Variants in FARP1 observed in about 807,000 individuals in gnomAD.
FARP1 encodes FERM, ARH/RhoGEF and pleckstrin domain protein 1, also known as FERM, ARHGEF and pleckstrin domain-containing protein 1.
In FARP1, 52 loss-of-function variants were observed where a neutral mutation model predicts 128.8. The observed-to-expected ratio is 0.40, with a 90% confidence interval of 0.32 to 0.51. The LOEUF (loss-of-function observed/expected upper bound fraction) is 0.51. Ranked by LOEUF, FARP1 falls within the 20% of genes least tolerant of loss-of-function variation. The pLI, the probability that FARP1 is intolerant of heterozygous loss-of-function variation, is 0.45. For synonymous variants in FARP1, 580 were observed against 551.8 expected (o/e 1.05, Z -0.72); for missense variants, 1,333 against 1,367.9 (o/e 0.97, Z 0.40).
intron 2 of FARP1, among the ~76,000 whole-genome samples, chr13:98,272,036 CTTTTTCTTTTT>C (rs1015460721): frequency 2.0e-5 from 3 of 149,848 alleles, no homozygotes; most frequent in Non-Finnish European, 4.4e-5. Context: ...ATTTTTTTTT[CTTTTTCTTTTT>C]GAGGTGTAGT....
chr13:98,270,270 C>T (rs568191366), intron 2 of FARP1, among the ~76,000 whole-genome samples: 71 of 152,208 alleles, frequency 4.7e-4, no homozygotes, highest in Non-Finnish European at 8.5e-4. Flanking sequence ...AAGGTCCATC[C>T]TTGGTCTCTA....
intron 2 of FARP1, among the ~76,000 whole-genome samples, chr13:98,229,119 A>G (rs574318059): frequency 2.1e-4 from 32 of 152,240 alleles, no homozygotes; most frequent in Admixed American, 1.2e-3. Flanking sequence ...CCAAGCAGAG[A>G]GCTGCCAAGA....
At chr13:98,414,187 C>G (rs1438961160) in intron 16 of FARP1, among the ~76,000 whole-genome samples, 1 of 152,168 alleles carries the variant, frequency 6.6e-6, no homozygotes, top group African/African-American at 2.4e-5. Flanking sequence ...ATTTGATTCC[C>G]AGAGGGTTTT....
intron 2 of FARP1, among the ~76,000 whole-genome samples, chr13:98,300,640 T>C (rs1885885863): frequency 6.6e-6 from 1 of 152,228 alleles, no homozygotes; most frequent in South Asian, 2.1e-4. Context: ...AAGCCACTTC[T>C]CTGCTCCGCC....
At chr13:98,425,013 C>G (rs1467175018) in intron 17 of FARP1, among the ~76,000 whole-genome samples, 1 of 151,964 alleles carries the variant, frequency 6.6e-6, no homozygotes, top group African/African-American at 2.4e-5. Context: ...ACACCCCGGT[C>G]TAATCTAAGG....
At chr13:98,409,837 A>C (rs1891123023) in intron 14 of FARP1, among the ~76,000 whole-genome samples, 1 of 152,192 alleles carries the variant, frequency 6.6e-6, no homozygotes, top group Admixed American at 6.5e-5. Flanking sequence ...TACCTCATAT[A>C]AGCAGAATCA....
At chr13:98,352,497 G>A (rs1036968195) in intron 3 of FARP1, among the ~76,000 whole-genome samples, 8 of 152,270 alleles carry the variant, frequency 5.3e-5, no homozygotes, top group African/African-American at 1.7e-4. Flanking sequence ...GAGGGCAATC[G>A]AGCCAGGGAA....
At chr13:98,143,643 C>T (rs1875252725) in intron 1 of FARP1, among the ~76,000 whole-genome samples, 151 bp downstream of exon 1, 1 of 151,000 alleles carries the variant, frequency 6.6e-6, no homozygotes, top group Non-Finnish European at 1.5e-5. Flanking sequence ...GAGGTCCTGC[C>T]CTGCGCAGTC....
In FARP1 at chr13:98,224,268, C is replaced by T. The variant is rs563542871; in HGVS notation, c.171+10855C>T. ...TACGGCCAGGCGTGGTGGCTCATGC[C>T]TGTAATCCCAGCACTTTGGGAGGCC... is the stretch of plus-strand genomic sequence containing the variant. On this transcript the variant is annotated intron_variant, in intron 2 of 26. Transcript: ENST00000319562. 3.9e-5 allele frequency among the ~76,000 whole-genome samples: 6 copies of T among 152,258 alleles called. No individual in the cohort carries two copies. The East Asian group carries it at 1.2e-3, about 29-fold the overall frequency.
intron 17 of FARP1, chr13:98,425,368 T>TTTG (rs1555294929): frequency 1.8e-5 from 1 of 55,796 alleles, no homozygotes; most frequent in African/African-American, 7.5e-5. Flanking sequence ...GCAAATATAG[T>TTTG]TTTTTTTTTT....
In FARP1 at chr13:98,388,149, C is replaced by T. The variant is rs148120848; in HGVS notation, c.760-234C>T. ...ATCATTATCTTGGCTAGTTTCTTCT[C>T]TCCCTAGAGGCAGACTTAGTTTGTA... On this transcript the variant is annotated intron_variant, in intron 8 of 26. Coordinates refer to ENST00000319562, the MANE Select transcript of FARP1 (RefSeq NM_005766.4). Among the ~76,000 whole-genome samples, 374 of 152,256 alleles carry T rather than the reference C, an allele frequency of 2.5e-3. 4 individuals are homozygous for T. Among genetic ancestry groups the T allele is most frequent in the African/African-American group, 8.1e-3 (336 of 41,546 alleles).
chr13:98,308,604 A>G (rs1488838122), intron 2 of FARP1, among the ~76,000 whole-genome samples: 1 of 152,224 alleles, frequency 6.6e-6, no homozygotes, highest in East Asian at 1.9e-4. Flanking sequence ...AGACTTAACA[A>G]CAACAACAAA....
At chr13:98,291,355 GGAT>G (rs757394783) in intron 2 of FARP1, among the ~76,000 whole-genome samples, 4 of 152,186 alleles carry the variant, frequency 2.6e-5, no homozygotes, top group Non-Finnish European at 4.4e-5. Context: ...AGGAGGAGGA[GGAT>G]GAGTGGCTGG....
At chr13:98,395,649 C>CT in intron 13 of FARP1, 173 bp downstream of exon 13, 1 of 771,838 alleles carries the variant, frequency 1.3e-6, no homozygotes, top group Non-Finnish European at 2.0e-6. Context: ...CCAGCGGTGT[C>CT]TATCTGCTGT....
intron 21 of FARP1, among the ~76,000 whole-genome samples, 154 bp downstream of exon 21, chr13:98,439,350 C>T (rs780313524): frequency 3.9e-4 from 59 of 152,168 alleles, no homozygotes; most frequent in Non-Finnish European, 7.4e-4. Flanking sequence ...CAAAGACCAT[C>T]GAAGACCATA....
chr13:98,316,910 C>T (rs1886745987), intron 2 of FARP1, among the ~76,000 whole-genome samples: 1 of 152,150 alleles, frequency 6.6e-6, no homozygotes, highest in Non-Finnish European at 1.5e-5. Context: ...TTTTCACATC[C>T]CACTTTGGTT....
At chr13:98,188,410 A>C (rs1469118357) in intron 1 of FARP1, among the ~76,000 whole-genome samples, 1 of 152,060 alleles carries the variant, frequency 6.6e-6, no homozygotes, top group African/African-American at 2.4e-5. Flanking sequence ...AAGAAAAAAA[A>C]TAAAGCTGGG....
rs1890276983 is a variant in FARP1, at chr13:98,390,799, G to T, written c.1020-13G>T. The T allele has an allele frequency of 6.2e-7, 1 of 1,606,436 alleles. No homozygotes were observed. The highest frequency in any genetic ancestry group is 1.3e-5 in the African/African-American group (1 of 74,870). ...GGTATTTCTCCCCTTCCCTGTTGTG[G>T]TCTCTGTTTCAGTGGTCGGACTCAG... On this transcript the variant is annotated splice_polypyrimidine_tract_variant and intron_variant, in intron 10 of 26. Coordinates refer to ENST00000319562, the MANE Select transcript of FARP1 (RefSeq NM_005766.4).
At position 98,336,471 on chromosome 13, in the gene FARP1, C is replaced by T. The variant is rs559691624; in HGVS notation, c.172-7291C>T. Among the ~76,000 whole-genome samples, 28 of 152,240 alleles carry T rather than the reference C, an allele frequency of 1.8e-4. No homozygotes were observed. In the South Asian group the frequency reaches 5.2e-3, roughly 28 times the overall value. The stretch of plus-strand genomic sequence containing the variant: ...ATTTTTAGTAGAGATGGGGTTTTGC[C>T]GTGTTGGCCAGACTGGTCTCGAACT... On this transcript the variant is annotated intron_variant, in intron 2 of 26. Transcript: ENST00000319562.
Sources: allele counts gnomAD v4.1 joint callset (sites outside exome capture counted in the v4.1 genomes callset), GRCh38; gene constraint gnomAD v4.1.1; transcripts MANE v1.5; gene names NCBI Gene and HGNC (gene_info 2026-07-23, HGNC 2026-07-21).